The following EEIG1 variants were observed in gnomAD, a reference collection of about 807,000 sequenced individuals.
EEIG1 encodes estrogen-induced osteoclastogenesis regulator 1, also known as early estrogen-induced gene 1 protein.
the EEIG1 span, among the ~76,000 whole-genome samples, chr9:127,952,923 C>A: frequency 6.6e-6 from 1 of 152,114 alleles, no homozygotes; most frequent in Non-Finnish European, 1.5e-5. Context: ...TGTCGTATTG[C>A]CAAAGCTGGT....
At chr9:127,957,083 G>A in the EEIG1 span, among the ~76,000 whole-genome samples, 2 of 152,054 alleles carry the variant, frequency 1.3e-5, no homozygotes, top group Non-Finnish European at 2.9e-5. Flanking sequence ...AGGCGGGCAT[G>A]GATCACTTGA....
the EEIG1 span, chr9:127,941,961 G>T: frequency 6.6e-6 from 1 of 152,568 alleles, no homozygotes; most frequent in African/African-American, 2.4e-5. Flanking sequence ...CCAGGGACTG[G>T]CTGGCAGCCA....
the EEIG1 span, chr9:127,944,884 G>A: frequency 3.1e-6 from 5 of 1,611,836 alleles, no homozygotes; most frequent in African/African-American, 1.3e-5. Flanking sequence ...GCTCTCCACC[G>A]AGTCCTTCTT....
At chr9:127,948,767 G>GT in the EEIG1 span, among the ~76,000 whole-genome samples, 1 of 152,248 alleles carries the variant, frequency 6.6e-6, no homozygotes, top group African/African-American at 2.4e-5. Flanking sequence ...CCGGCCCTGT[G>GT]TAAGGACCAC....
At chr9:127,940,705 T>A in the EEIG1 span, 1 of 151,886 alleles carries the variant, frequency 6.6e-6, no homozygotes, top group Non-Finnish European at 1.5e-5. Flanking sequence ...CACAGCCCAC[T>A]CAAGCAGTGG....
chr9:127,949,643 A>T, the EEIG1 span, among the ~76,000 whole-genome samples: 1 of 152,178 alleles, frequency 6.6e-6, no homozygotes, highest in Non-Finnish European at 1.5e-5. Flanking sequence ...TCCCTCTGCA[A>T]AGGGTCTAGG....
At chr9:127,947,994 TG>T in the EEIG1 span, 701 of 1,499,508 alleles carry the variant, frequency 4.7e-4, 3 homozygotes, top group African/African-American at 8.7e-3. Context: ...AGCGTCTCCC[TG>T]GGGACCTGGG....
At chr9:127,970,556 A>G in the EEIG1 span, among the ~76,000 whole-genome samples, 5,111 of 152,190 alleles carry the variant, frequency 0.034, 318 homozygotes, top group East Asian at 0.27. Flanking sequence ...TAATTCCCTG[A>G]TGACAGAGGT....
chr9:127,971,574 C>A, the EEIG1 span, among the ~76,000 whole-genome samples: 1 of 152,156 alleles, frequency 6.6e-6, no homozygotes, highest in Admixed American at 6.5e-5. Flanking sequence ...CAGCTGGCAG[C>A]AGCCACAGTG....
chr9:127,968,439 AG>A, the EEIG1 span, among the ~76,000 whole-genome samples: 1 of 152,092 alleles, frequency 6.6e-6, no homozygotes, highest in South Asian at 2.1e-4. Context: ...TCCTGGAGGA[AG>A]GGCCTCTGTT....
the EEIG1 span, among the ~76,000 whole-genome samples, chr9:127,979,589 G>T: frequency 2.0e-5 from 3 of 152,208 alleles, no homozygotes; most frequent in Middle Eastern, 3.2e-3. Context: ...GCGCCTGGGG[G>T]TGCCGGGGAA....
chr9:127,947,389 T>C, the EEIG1 span, among the ~76,000 whole-genome samples: 1 of 151,932 alleles, frequency 6.6e-6, no homozygotes, highest in East Asian at 1.9e-4. Flanking sequence ...TGAGGTGAGA[T>C]TGCGCCACTG....
At chr9:127,949,629 C>T in the EEIG1 span, among the ~76,000 whole-genome samples, 5 of 152,314 alleles carry the variant, frequency 3.3e-5, no homozygotes, top group South Asian at 6.2e-4. Flanking sequence ...CTGGCATCTC[C>T]GGTTCCCTCT....
At chr9:127,940,766 C>T in the EEIG1 span, 4 of 151,988 alleles carry the variant, frequency 2.6e-5, no homozygotes, top group South Asian at 6.2e-4. Context: ...AACACCCCTC[C>T]GCCCATCTCC....
chr9:127,953,306 TC>T, the EEIG1 span: 1 of 514,176 alleles, frequency 1.9e-6, no homozygotes, highest in Non-Finnish European at 3.4e-6. Flanking sequence ...AATAATGGGG[TC>T]CCAGAAAGAG....
At chr9:127,960,853 G>A in the EEIG1 span, among the ~76,000 whole-genome samples, 4 of 152,106 alleles carry the variant, frequency 2.6e-5, no homozygotes, top group East Asian at 1.9e-4. Flanking sequence ...AGAGCTCACA[G>A]GGTCAGCACT....
chr9:127,946,099 G>C, the EEIG1 span, among the ~76,000 whole-genome samples: 1 of 152,206 alleles, frequency 6.6e-6, no homozygotes, highest in Admixed American at 6.5e-5. Flanking sequence ...GACAGGGGAG[G>C]CTTCTCCAAG....
the EEIG1 span, chr9:127,980,012 A>G: frequency 6.2e-7 from 1 of 1,612,724 alleles, no homozygotes; most frequent in Non-Finnish European, 8.5e-7. Flanking sequence ...AGCTGACAAA[A>G]TCCCCTCCAT....
At chr9:127,970,208 A>C in the EEIG1 span, among the ~76,000 whole-genome samples, 1 of 151,890 alleles carries the variant, frequency 6.6e-6, no homozygotes, top group Non-Finnish European at 1.5e-5. Flanking sequence ...CTGCCTCCCG[A>C]GTTCAAGTGA....
Sources: allele counts gnomAD v4.1 joint callset (sites outside exome capture counted in the v4.1 genomes callset), GRCh38; gene constraint gnomAD v4.1.1; transcripts MANE v1.5; gene names NCBI Gene and HGNC (gene_info 2026-07-23, HGNC 2026-07-21).